Variants in PARD3B observed in about 807,000 individuals in gnomAD.
The protein encoded by PARD3B is partitioning defective 3 homolog B.
In PARD3B, 103 loss-of-function variants were observed where a neutral mutation model predicts 130.2. The ratio of observed to expected loss-of-function variants is 0.79; its 90% CI spans 0.67 to 0.93. The LOEUF (loss-of-function observed/expected upper bound fraction) is 0.93, where lower values mean the gene tolerates loss of function less well. Among genes scored for constraint, PARD3B ranks in the 40% least tolerant of loss-of-function variants. The pLI is 0.00. For missense variants in PARD3B, 1,609 were observed against 1,499.2 expected (o/e 1.07, Z -1.21); for synonymous variants, 583 against 553.2 (o/e 1.05, Z -0.76).
intron 15 of PARD3B, among the ~76,000 whole-genome samples, chr2:205,197,074 T>TGAGA (rs1184750726): frequency 1.5e-4 from 22 of 143,860 alleles, no homozygotes; most frequent in African/African-American, 3.9e-4. Context: ...TGTGTGTGTG[T>TGAGA]GAGAGAGAGA....
intron 2 of PARD3B, among the ~76,000 whole-genome samples, chr2:204,723,652 T>C (rs1225531031): frequency 6.6e-6 from 1 of 152,070 alleles, no homozygotes; most frequent in Admixed American, 6.6e-5. Context: ...TAATTGCAAA[T>C]AGGATAGGAA....
chr2:204,786,846 C>T lies in PARD3B; in HGVS notation c.222+100564C>T, dbSNP rs149326984. ...TGGGGATCAAATACTGTGAAAATCA[C>T]AAGCATTTCGCTCTCATTCTCAATG... On this transcript the variant is annotated intron_variant, in intron 2 of 22. Transcript: ENST00000406610. Among the ~76,000 whole-genome samples, 306 of 151,808 alleles carry T rather than the reference C, an allele frequency of 2.0e-3. 2 individuals are homozygous for T. Among genetic ancestry groups the T allele is most frequent in the South Asian group, 4.8e-3 (23 of 4,756 alleles).
chr2:205,038,293 G>A (rs1698155983), intron 3 of PARD3B, among the ~76,000 whole-genome samples: 1 of 152,086 alleles, frequency 6.6e-6, no homozygotes, highest in Non-Finnish European at 1.5e-5. Flanking sequence ...TATTAATTCA[G>A]ATATATTTGT....
chr2:204,947,384 C>T (rs535738842), intron 2 of PARD3B, among the ~76,000 whole-genome samples: 2 of 151,300 alleles, frequency 1.3e-5, no homozygotes, highest in South Asian at 4.2e-4. Flanking sequence ...TCTAGTTAAA[C>T]ATAGGGCAGG....
intron 20 of PARD3B, among the ~76,000 whole-genome samples, chr2:205,462,611 C>A (rs1179730010): frequency 1.3e-5 from 2 of 152,190 alleles, no homozygotes; most frequent in Non-Finnish European, 2.9e-5. Context: ...TAAACACTAA[C>A]ACTTTTCCTC....
At chr2:204,837,082 A>T (rs544793625) in intron 2 of PARD3B, among the ~76,000 whole-genome samples, 1 of 152,312 alleles carries the variant, frequency 6.6e-6, no homozygotes, top group African/African-American at 2.4e-5. Flanking sequence ...GCGTTTAATT[A>T]ACATCCAGTG....
intron 11 of PARD3B, among the ~76,000 whole-genome samples, chr2:205,164,081 C>G (rs1243948926): frequency 2.6e-5 from 4 of 152,118 alleles, no homozygotes; most frequent in Non-Finnish European, 4.4e-5. Flanking sequence ...ACTTTAAAAG[C>G]AGGAACTTTG....
chr2:204,723,138 C>T (rs2039071569), intron 2 of PARD3B, among the ~76,000 whole-genome samples: 2 of 152,152 alleles, frequency 1.3e-5, no homozygotes, highest in South Asian at 2.1e-4. Flanking sequence ...GTTATAGATC[C>T]ATCTTTTCAT....
chr2:205,216,465 C>T (rs897540698), intron 15 of PARD3B, among the ~76,000 whole-genome samples: 2 of 151,956 alleles, frequency 1.3e-5, no homozygotes, highest in African/African-American at 4.8e-5. Flanking sequence ...TTATATGTTT[C>T]TGTATATTTC....
intron 2 of PARD3B, among the ~76,000 whole-genome samples, chr2:204,908,308 T>C (rs2047110285): frequency 6.6e-6 from 1 of 152,202 alleles, no homozygotes; most frequent in Non-Finnish European, 1.5e-5. Flanking sequence ...AATATAATTA[T>C]CACATATCGA....
At chr2:205,096,251 C>T (rs1702389569) in intron 4 of PARD3B, among the ~76,000 whole-genome samples, 2 of 151,926 alleles carry the variant, frequency 1.3e-5, no homozygotes, top group South Asian at 4.2e-4. Flanking sequence ...ATCTTCTTAT[C>T]CCCAATATAA....
At chr2:205,344,110 T>C (rs927771648) in intron 18 of PARD3B, among the ~76,000 whole-genome samples, 7 of 151,918 alleles carry the variant, frequency 4.6e-5, no homozygotes, top group African/African-American at 1.7e-4. Context: ...CTTTTAATGG[T>C]GTTGCTGCTG....
At chr2:205,425,551 A>T (rs1356283178) in intron 19 of PARD3B, among the ~76,000 whole-genome samples, 33 of 1,800 alleles carry the variant, frequency 0.018, no homozygotes, top group Non-Finnish European at 0.077. Context: ...GACTCGGTGT[A>T]AAAAAAAAAA....
chr2:205,507,761 GA>G (rs1370678607), intron 21 of PARD3B, among the ~76,000 whole-genome samples: 2 of 152,154 alleles, frequency 1.3e-5, no homozygotes, highest in Non-Finnish European at 2.9e-5. Flanking sequence ...GAAAGAGAAA[GA>G]AAAGCCTTCC....
At chr2:205,523,245 A>G (rs5025555) in intron 21 of PARD3B, among the ~76,000 whole-genome samples, 1 of 145,118 alleles carries the variant, frequency 6.9e-6, no homozygotes, top group East Asian at 2.0e-4. Flanking sequence ...ATATATATTT[A>G]TATATATATA....
chr2:205,565,639 A>AT (rs1384854620), intron 22 of PARD3B, among the ~76,000 whole-genome samples: 1 of 152,176 alleles, frequency 6.6e-6, no homozygotes, highest in South Asian at 2.1e-4. Flanking sequence ...TTCTTATCCA[A>AT]TTTTTTAAAA....
At chr2:204,789,044 T>C (rs1441399621) in intron 2 of PARD3B, among the ~76,000 whole-genome samples, 1 of 152,180 alleles carries the variant, frequency 6.6e-6, no homozygotes, top group Admixed American at 6.5e-5. Context: ...AAATGGAATA[T>C]AATTTTATTA....
At chr2:204,841,763 T>G (rs1461075616) in intron 2 of PARD3B, among the ~76,000 whole-genome samples, 2 of 152,128 alleles carry the variant, frequency 1.3e-5, no homozygotes, top group African/African-American at 4.8e-5. Context: ...ACTTAGGATC[T>G]TTGTCCCTTT....
chr2:205,491,620 T>C (rs549480817), intron 20 of PARD3B, among the ~76,000 whole-genome samples: 1 of 152,214 alleles, frequency 6.6e-6, no homozygotes, highest in Non-Finnish European at 1.5e-5. Flanking sequence ...CTTTGTTTCT[T>C]TATGCTCCAC....
Sources: gnomAD v4.1 joint callset for allele counts (sites outside exome capture counted in the v4.1 genomes callset) on GRCh38, gnomAD v4.1.1 for gene constraint, MANE v1.5 for transcripts, NCBI Gene and HGNC (gene_info 2026-07-23, HGNC 2026-07-21) for gene names.